NBN: variants seen among roughly 807,000 people sequenced by gnomAD.
NBN encodes Nijmegen breakage syndrome 1 (nibrin).
In NBN, 88 loss-of-function variants were observed where a neutral mutation model predicts 90.8. That is an observed-to-expected ratio of 0.97 (90% CI 0.82 to 1.16). The LOEUF is 1.16. Among genes scored for constraint, NBN ranks in the 50% most tolerant of loss-of-function variants. NBN has a pLI of 0.00. For synonymous variants in NBN, 328 were observed against 295.1 expected (o/e 1.11, Z -1.14); for missense variants, 894 against 869.6 (o/e 1.03, Z -0.35).
intron 8 of NBN, 116 bp downstream of exon 8, chr8:89,964,294 A>G: frequency 8.3e-7 from 1 of 1,199,686 alleles, no homozygotes. Context: ...AAATGGATGA[A>G]TTTTAAAACA....
rs2129695663 is a variant in NBN, at chr8:89,953,243, C to T, written c.1845+1G>A. 6.3e-7 allele frequency: 1 copy of T among 1,587,210 alleles called. No individual in the cohort carries two copies. ...TACCTCTCATTTAAAATGTTACTTACAGATATTTTGCTACTTTCTGGTACT... is the reference window on the plus strand; with the variant it reads ...TACCTCTCATTTAAAATGTTACTTATAGATATTTTGCTACTTTCTGGTACT... On this transcript the variant is annotated splice_donor_variant, in intron 11 of 15. Transcript: ENST00000265433. LOFTEE classifies it high-confidence loss of function.
At position 89,974,441 on chromosome 8, in the gene NBN, GATT is replaced by G. The variant is rs1811658243; in HGVS notation, c.585-3154_585-3152del. Among the ~76,000 whole-genome samples the G allele has an allele frequency of 3.3e-5, 5 of 152,062 alleles. No homozygotes were observed. In the South Asian group the frequency reaches 1.0e-3, roughly 31 times the overall value. Reference sequence around the variant, plus strand: ...AAACTGTCAAACTTTCATTTACTGAGATTATTTCAGGCCAATGTGTCTGTTGGG... The same window carrying G: ...AAACTGTCAAACTTTCATTTACTGAGATTTCAGGCCAATGTGTCTGTTGGG... On this transcript the variant is annotated intron_variant, in intron 5 of 15. Transcript: ENST00000265433.
intron 11 of NBN, among the ~76,000 whole-genome samples, chr8:89,950,546 T>C (rs1260892620): frequency 6.6e-6 from 1 of 152,134 alleles, no homozygotes; most frequent in Non-Finnish European, 1.5e-5. Context: ...CAATGAGAGA[T>C]ACCGCAATTA....
At chr8:89,938,518 T>C (rs1355128671) in intron 14 of NBN, among the ~76,000 whole-genome samples, 1 of 152,136 alleles carries the variant, frequency 6.6e-6, no homozygotes, top group Non-Finnish European at 1.5e-5. Context: ...TTCATGTAAC[T>C]TCATTACTAT....
chr8:89,976,515 G>A (rs377238237), intron 5 of NBN, among the ~76,000 whole-genome samples: 3 of 152,210 alleles, frequency 2.0e-5, no homozygotes, highest in Admixed American at 6.5e-5. Context: ...TCTCTCCTGG[G>A]AGGGGAACCA....
intron 13 of NBN, among the ~76,000 whole-genome samples, chr8:89,944,084 G>A (rs1410295794): frequency 6.6e-6 from 1 of 151,838 alleles, no homozygotes; most frequent in Non-Finnish European, 1.5e-5. Context: ...CATTGATTTG[G>A]AGGGTTTTTT....
intron 8 of NBN, among the ~76,000 whole-genome samples, chr8:89,964,154 T>C (rs1175155771): frequency 6.6e-6 from 1 of 152,196 alleles, no homozygotes; most frequent in Non-Finnish European, 1.5e-5. Flanking sequence ...GTGTGTTTGG[T>C]TACTAAATCT....
chr8:89,953,444 T>A lies in NBN; in HGVS notation c.1645A>T (p.Lys549Ter), dbSNP rs1810540992. The A allele has an allele frequency of 1.9e-6, 3 of 1,613,872 alleles. No individual in the cohort carries two copies. The highest frequency in any genetic ancestry group is 2.2e-5 in the East Asian group (1 of 44,848). ...GCCACATCATCCATTTCCCTTTTTT[T>A]ATTTGATCTTAGCTTTTCTGCAGCA... ...SHAAEKLRSN[K>*]KREMDDVAIE... The change falls in exon 11 of 16, where the codon AAA (lysine) becomes TAA (stop). Residue 549 changes from lysine (K) to a stop codon, truncating the protein, a stop_gained. Coordinates refer to ENST00000265433, the MANE Select transcript of NBN (RefSeq NM_002485.5). LOFTEE classifies it high-confidence loss of function.
chr8:89,982,794 A>G lies in NBN; in HGVS notation c.99T>C (p.Ile33=). The change falls in exon 2 of 16, where the codon ATT becomes ATC. Residue 33 remains isoleucine, a synonymous_variant. Transcript: ENST00000265433. ...EYVVGRKNCA[I]LIENDQSISR... is the part of the protein sequence containing the mutation. ...TGATCGACTGATCATTTTCAATCAG[A>G]ATGGCACAGTTTTTCCTTCCAACAA... is the stretch of plus-strand genomic sequence containing the variant. The G allele has an allele frequency of 6.2e-7, 1 of 1,613,922 alleles. No individual in the cohort carries two copies. Among genetic ancestry groups the G allele is most frequent in the Non-Finnish European group, 8.5e-7 (1 of 1,179,838 alleles).
At chr8:89,983,381 G>A (rs13312852) in intron 1 of NBN, among the ~76,000 whole-genome samples, 2 of 151,068 alleles carry the variant, frequency 1.3e-5, no homozygotes, top group East Asian at 1.9e-4. Flanking sequence ...GCAGTGAGCC[G>A]ACACAGTGCC....
intron 5 of NBN, among the ~76,000 whole-genome samples, chr8:89,972,618 T>C (rs766123280): frequency 6.6e-6 from 1 of 152,228 alleles, no homozygotes; most frequent in Non-Finnish European, 1.5e-5. Flanking sequence ...TAATATCTCT[T>C]TGAATCCTTT....
In NBN at chr8:89,946,154, T is replaced by C. The variant is rs786203920; in HGVS notation, c.2056A>G (p.Lys686Glu). The part of the protein sequence containing the change: ...NDDYGQLKNF[K>E]KFKKVTYPGA... Reference sequence around the variant, plus strand: ...GAAATACCTACCTTTTTGAATTTCTTGAAATTTTTTAGTTGACCATAATCA... The same window carrying C: ...GAAATACCTACCTTTTTGAATTTCTCGAAATTTTTTAGTTGACCATAATCA... Residue 686 changes from lysine to glutamate, a missense_variant, in exon 13 of 16, where the codon AAG (lysine) becomes GAG (glutamate). Lys to Glu is a moderately conservative substitution (Grantham distance 56). Coordinates refer to ENST00000265433, the MANE Select transcript of NBN (RefSeq NM_002485.5). The C allele has an allele frequency of 6.3e-7, 1 of 1,592,474 alleles. No homozygotes were observed. Among genetic ancestry groups the C allele is most frequent in the Non-Finnish European group, 8.6e-7 (1 of 1,161,492 alleles).
At chr8:89,945,068 A>C (rs924574121) in intron 13 of NBN, among the ~76,000 whole-genome samples, 1 of 152,212 alleles carries the variant, frequency 6.6e-6, no homozygotes, top group African/African-American at 2.4e-5. Context: ...ATATTACTTC[A>C]TACTTCTTCA....
At position 89,943,297 on chromosome 8, in the gene NBN, G is replaced by C. The variant is rs730881864; in HGVS notation, c.2140C>G (p.Arg714Gly). The C allele has an allele frequency of 1.1e-5, 17 of 1,613,432 alleles. 1 individual carries two copies. The South Asian group carries it at 1.9e-4, about 18-fold the overall frequency. ...CACTCTTCTAGTTCTGTATTCTTTCGAGCATGATGAGCTATTAGATCTGAT... is the reference window on the plus strand; with the variant it reads ...CACTCTTCTAGTTCTGTATTCTTTCCAGCATGATGAGCTATTAGATCTGAT... ...GGSDLIAHHA[R>G]KNTELEEWLR... The change falls in exon 14 of 16, where the codon CGA (arginine) becomes GGA (glycine). Residue 714 changes from arginine to glycine, a missense_variant. Coordinates refer to ENST00000265433, the MANE Select transcript of NBN (RefSeq NM_002485.5).
At chr8:89,944,318 A>G (rs554509083) in intron 13 of NBN, among the ~76,000 whole-genome samples, 3 of 152,338 alleles carry the variant, frequency 2.0e-5, no homozygotes, top group South Asian at 2.1e-4. Flanking sequence ...CCTAGTATCT[A>G]AAGTCGGCTT....
At chr8:89,963,414 G>C (rs974739971) in intron 8 of NBN, among the ~76,000 whole-genome samples, 26 of 152,052 alleles carry the variant, frequency 1.7e-4, no homozygotes, top group Non-Finnish European at 1.0e-4. Flanking sequence ...AACAAATCCA[G>C]GGAGCAAATA....
intron 14 of NBN, among the ~76,000 whole-genome samples, chr8:89,942,735 A>C (rs1397193929): frequency 1.3e-5 from 2 of 151,502 alleles, no homozygotes; most frequent in Admixed American, 1.3e-4. Flanking sequence ...AACCCAGGGA[A>C]ACAAAGAAAT....
chr8:89,947,490 G>A (rs1165366284), intron 12 of NBN, among the ~76,000 whole-genome samples: 8 of 151,982 alleles, frequency 5.3e-5, no homozygotes, highest in South Asian at 2.1e-4. Flanking sequence ...TTAGTCGGGC[G>A]TGGTGGCACA....
At chr8:89,966,244 CAG>C (rs1435023516) in intron 7 of NBN, among the ~76,000 whole-genome samples, 1 of 151,992 alleles carries the variant, frequency 6.6e-6, no homozygotes, top group African/African-American at 2.4e-5. Flanking sequence ...AAAGAGGTAT[CAG>C]AGAAATAACG....
Sources: gnomAD v4.1 joint callset for allele counts (sites outside exome capture counted in the v4.1 genomes callset) on GRCh38, gnomAD v4.1.1 for gene constraint, MANE v1.5 for transcripts, NCBI Gene and HGNC (gene_info 2026-07-23, HGNC 2026-07-21) for gene names.